The following UGDH variants were observed in gnomAD, a reference collection of about 807,000 sequenced individuals.
The protein encoded by UGDH is UDP-glucose 6-dehydrogenase, also known as UDP-Glc dehydrogenase.
Under a neutral mutation model 50.6 loss-of-function variants are expected in UGDH, and 38 were observed. The ratio of observed to expected loss-of-function variants is 0.75; its 90% CI spans 0.58 to 0.98. The LOEUF is 0.98. Ranked by LOEUF, UGDH falls within the 50% of genes least tolerant of loss-of-function variation. UGDH has a pLI of 0.00. For missense variants in UGDH, 465 were observed against 606.2 expected (o/e 0.77, Z 2.45); for synonymous variants, 168 against 199.9 (o/e 0.84, Z 1.35).
At chr4:39,510,965 G>T in intron 3 of UGDH, 104 bp from the exon 4 acceptor site, 1 of 1,072,074 alleles carries the variant, frequency 9.3e-7, no homozygotes, top group Non-Finnish European at 1.4e-6. Flanking sequence ...ATCATCAGTA[G>T]CCCTGATTTA....
chr4:39,524,502 AC>A (rs1239657144), intron 1 of UGDH, among the ~76,000 whole-genome samples: 3 of 150,148 alleles, frequency 2.0e-5, no homozygotes, highest in Non-Finnish European at 4.4e-5. Context: ...AATACTATCA[AC>A]TTTTTTTTTT....
Position 39,521,414 on chromosome 4 carries a change from C to T in UGDH, c.99G>A (p.Thr33=), listed in dbSNP as rs141987547. The part of the protein sequence containing the change: ...IAHMCPEIRV[T]VVDVNESRIN... ...TTCTTGATTCATTGACATCAACAAC[C>T]GTTACCCTGATTTCAGGACACATAT... The change falls in exon 2 of 12, where the codon ACG becomes ACA. Residue 33 remains threonine (T), a synonymous_variant. Transcript: ENST00000316423. 201 of 1,613,270 alleles carry T rather than the reference C, an allele frequency of 1.2e-4. 1 individual carries two copies. The African/African-American group carries it at 2.2e-3, about 18-fold the overall frequency.
chr4:39,504,432 C>G lies in UGDH; in HGVS notation c.1248G>C (p.Glu416Asp), dbSNP rs141970383. The change falls in exon 10 of 12, where the codon GAG becomes GAC. Residue 416 changes from glutamate (E) to aspartate (D), a missense_variant. By Grantham distance (45) the Glu-to-Asp change is conservative (BLOSUM62 2). Transcript: ENST00000316423. ...DGAHAVVICT[E>D]WDMFKELDYE... ...GTTACCTTACCTTAAACATGTCCCA[C>G]TCAGTGCAAATAACAACAGCATGGG... 1,227 of 1,614,110 alleles carry G rather than the reference C, an allele frequency of 7.6e-4. 5 individuals carry two copies. Among genetic ancestry groups the G allele is most frequent in the Non-Finnish European group, 4.3e-4 (510 of 1,179,998 alleles).
intron 6 of UGDH, 100 bp from the exon 7 acceptor site, chr4:39,508,760 A>AT (rs1228084284): frequency 3.1e-6 from 3 of 980,314 alleles, no homozygotes; most frequent in East Asian, 6.3e-5. Context: ...TTATACTAAG[A>AT]TTTTTTAATA....
rs138453860 is a variant in UGDH, at chr4:39,527,433, G to T, written c.-158C>A. On this transcript the variant is annotated 5_prime_UTR_variant, in exon 1 of 12. Transcript: ENST00000316423. ...ACGCCCCTCCCTCAGGCTGCCACGCGTTACACTCTGAGTCCCGGGCCTGAG... is the reference window on the plus strand; with the variant it reads ...ACGCCCCTCCCTCAGGCTGCCACGCTTTACACTCTGAGTCCCGGGCCTGAG... The T allele has an allele frequency of 5.0e-3, 1,171 of 232,182 alleles. 39 individuals carry two copies. In the Admixed American group the frequency reaches 0.053, roughly 11 times the overall value. The allele number at this position is 232,182 out of a possible 1,614,324, so 14.4% of individuals were successfully genotyped here.
chr4:39,499,978 C>T lies in UGDH; in HGVS notation c.*165G>A, dbSNP rs978094764. On this transcript the variant is annotated 3_prime_UTR_variant, in exon 12 of 12. Coordinates refer to ENST00000316423, the MANE Select transcript of UGDH (RefSeq NM_003359.4). ...CTGGGAAGCAGAGCTTGCAGTGAGC[C>T]GAGATTGCACCACTGCACTCCAGCC... 19 of 454,396 alleles carry T rather than the reference C, an allele frequency of 4.2e-5. No individual in the cohort carries two copies. Among genetic ancestry groups the T allele is most frequent in the Non-Finnish European group, 7.1e-5 (18 of 251,880 alleles). The allele number at this position is 454,396 out of a possible 1,614,324, so 28.1% of individuals were successfully genotyped here. A position where few individuals can be genotyped will look rare whatever the true frequency, so the allele number is the denominator to read the frequency against.
chr4:39,502,968 G>C (rs1745881197), intron 11 of UGDH, among the ~76,000 whole-genome samples: 1 of 152,090 alleles, frequency 6.6e-6, no homozygotes. Context: ...CCAGGCTGGA[G>C]TGCAGTGGTG....
chr4:39,502,773 G>T (rs1256102887), intron 11 of UGDH, among the ~76,000 whole-genome samples: 1 of 152,164 alleles, frequency 6.6e-6, no homozygotes, highest in South Asian at 2.1e-4. Context: ...TTGAGGCAGG[G>T]TCTTGCTCTG....
intron 11 of UGDH, among the ~76,000 whole-genome samples, chr4:39,502,622 A>G (rs1175170416): frequency 6.6e-6 from 1 of 152,200 alleles, no homozygotes; most frequent in Non-Finnish European, 1.5e-5. Flanking sequence ...TGCTCTGAGG[A>G]AATGGAAAAT....
chr4:39,513,126 T>C (rs1166325156), intron 3 of UGDH, among the ~76,000 whole-genome samples: 2 of 152,184 alleles, frequency 1.3e-5, no homozygotes, highest in Non-Finnish European at 2.9e-5. Context: ...TCTTAAGTCA[T>C]ATAACACCCT....
At chr4:39,517,659 C>T (rs760296264) in intron 2 of UGDH, among the ~76,000 whole-genome samples, 1 of 152,274 alleles carries the variant, frequency 6.6e-6, no homozygotes, top group East Asian at 1.9e-4. Flanking sequence ...AGAACATTAA[C>T]AGTAAGTCAA....
chr4:39,526,923 G>A lies in UGDH; in HGVS notation c.-8+360C>T, dbSNP rs1050922271. 4 of 938,426 alleles carry A rather than the reference G, an allele frequency of 4.3e-6. No homozygotes were observed. In the African/African-American group the frequency reaches 6.9e-5, roughly 16 times the overall value. The allele number at this position is 938,426 out of a possible 1,614,324, so 58.1% of individuals were successfully genotyped here. On this transcript the variant is annotated intron_variant, in intron 1 of 11. Coordinates refer to ENST00000316423, the MANE Select transcript of UGDH (RefSeq NM_003359.4). ...CACAAACAAAAGACTACGACTCTGCGGCCAAAATGAGGTCCCCAACGAGAG... is the reference window on the plus strand; with the variant it reads ...CACAAACAAAAGACTACGACTCTGCAGCCAAAATGAGGTCCCCAACGAGAG...
At chr4:39,517,980 G>A (rs992132265) in intron 2 of UGDH, among the ~76,000 whole-genome samples, 7 of 152,152 alleles carry the variant, frequency 4.6e-5, no homozygotes, top group African/African-American at 1.7e-4. Flanking sequence ...CAACGCTGGA[G>A]TGCAGTGGTG....
intron 7 of UGDH, among the ~76,000 whole-genome samples, chr4:39,506,500 A>G (rs1746034113): frequency 6.6e-6 from 1 of 152,200 alleles, no homozygotes; most frequent in African/African-American, 2.4e-5. Context: ...ACTATTCACA[A>G]AAATTCAGTT....
chr4:39,510,660 C>T lies in UGDH; in HGVS notation c.465+1G>A. Reference sequence around the variant, plus strand: ...AGATTCTAATGCTTCATTTTTTATACCTGTAAATTCAAGTTGGGTTTTGTG... The same window carrying T: ...AGATTCTAATGCTTCATTTTTTATATCTGTAAATTCAAGTTGGGTTTTGTG... On this transcript the variant is annotated splice_donor_variant, in intron 4 of 11. Coordinates refer to ENST00000316423, the MANE Select transcript of UGDH (RefSeq NM_003359.4). LOFTEE classifies it high-confidence loss of function. 1 of 1,614,182 alleles carries T rather than the reference C, an allele frequency of 6.2e-7. No homozygotes were observed. Among genetic ancestry groups the T allele is most frequent in the Non-Finnish European group, 8.5e-7 (1 of 1,180,042 alleles).
intron 3 of UGDH, among the ~76,000 whole-genome samples, 188 bp from the exon 4 acceptor site, chr4:39,511,049 GA>G (rs948527454): frequency 3.9e-5 from 6 of 152,080 alleles, no homozygotes; most frequent in African/African-American, 1.4e-4. Flanking sequence ...GAAGCATCTA[GA>G]GAACTCATTC....
In UGDH at chr4:39,503,930, T is replaced by C; in HGVS notation, c.1319A>G (p.Asp440Gly). Reference sequence around the variant, plus strand: ...GAGCCCATCCAGGACACGCCGTCCATCGAAGATAAAGGCTGGCTTTAGCAT... The same window carrying C: ...GAGCCCATCCAGGACACGCCGTCCACCGAAGATAAAGGCTGGCTTTAGCAT... ...KKMLKPAFIF[D>G]GRRVLDGLHN... Residue 440 changes from aspartate to glycine, a missense_variant, in exon 11 of 12, where the codon GAT (aspartate) becomes GGT (glycine). Physicochemically the swap from Asp to Gly is moderately conservative, Grantham distance 94. Transcript: ENST00000316423. The C allele has an allele frequency of 1.2e-6, 2 of 1,614,204 alleles. No homozygotes were observed. Among genetic ancestry groups the C allele is most frequent in the Non-Finnish European group, 1.7e-6 (2 of 1,180,032 alleles).
intron 10 of UGDH, 59 bp downstream of exon 10, chr4:39,504,358 C>T (rs1424693785): frequency 4.0e-6 from 6 of 1,489,096 alleles, no homozygotes; most frequent in Middle Eastern, 1.7e-4. Context: ...ACATACTCAA[C>T]CCCAGCTGAT....
intron 2 of UGDH, 52 bp downstream of exon 2, chr4:39,521,299 T>C (rs1746650717): frequency 4.0e-6 from 6 of 1,502,294 alleles, no homozygotes; most frequent in Admixed American, 2.1e-5. Flanking sequence ...AATGATATAA[T>C]AAAGACAGTA....
Sources: gnomAD v4.1 joint callset for allele counts (sites outside exome capture counted in the v4.1 genomes callset) on GRCh38, gnomAD v4.1.1 for gene constraint, MANE v1.5 for transcripts, NCBI Gene and HGNC (gene_info 2026-07-23, HGNC 2026-07-21) for gene names.